Variants in RNF5 observed in about 807,000 individuals in gnomAD.
RNF5 encodes the protein ring finger protein 5, also known as E3 ubiquitin-protein ligase RNF5.
Under a neutral mutation model 24.4 loss-of-function variants are expected in RNF5, and 16 were observed. The observed-to-expected ratio is 0.66, with a 90% CI of 0.44 to 1.00. RNF5 has a LOEUF of 1.00. Ranked by LOEUF, RNF5 falls within the 50% of genes least tolerant of loss-of-function variation. RNF5 has a pLI of 0.00. For synonymous variants in RNF5, 64 were observed against 88.5 expected, an observed-to-expected ratio of 0.72 and a Z score of 1.55; for missense variants, 185 against 236.7, an observed-to-expected ratio of 0.78 and a Z score of 1.43.
rs41315238 is a variant in RNF5 at position 32,179,267 on chromosome 6, AAG to A, written c.141-269_141-268del. Among the ~76,000 whole-genome samples the A allele has an allele frequency of 0.036, 5,495 of 152,152 alleles. 205 individuals carry two copies. Among genetic ancestry groups the A allele is most frequent in the East Asian group, 0.21 (1,066 of 5,160 alleles). The stretch of plus-strand genomic sequence containing the variant: ...TTAGAAATTAACTTGAAAGGCAGAA[AAG>A]AGAGGGCACGAAAATTTGTATGTGT... On this transcript the variant is annotated intron_variant, in intron 1 of 5. Coordinates refer to ENST00000375094, the MANE Select transcript of RNF5 (RefSeq NM_006913.4). The surrounding 1 kb of genome is among the most constrained non-coding windows in gnomAD (Gnocchi z 5.4).
At position 32,180,127 on chromosome 6, in the gene RNF5, G is replaced by GT. The variant is rs1483111639; in HGVS notation, c.445+2dup. The GT allele has an allele frequency of 1.2e-6, 2 of 1,613,572 alleles. No homozygotes were observed. The highest frequency in any genetic ancestry group is 1.3e-5 in the African/African-American group (1 of 74,880). Reference sequence around the variant, plus strand: ...CATGAGCCTTTCCGCCGGGGTACAGGTAAGAGTCACACTCAGCTCCCATCA... The same window carrying GT: ...CATGAGCCTTTCCGCCGGGGTACAGGTTAAGAGTCACACTCAGCTCCCATCA... On this transcript the variant is annotated splice_donor_variant, in intron 5 of 5. Transcript: ENST00000375094. LOFTEE classifies it high-confidence loss of function.
Position 32,178,429 on chromosome 6 carries a change from A to C in RNF5, c.-83A>C. The stretch of plus-strand genomic sequence containing the variant: ...TGAAGCCTGCCCAACGATCGTGGGC[A>C]GGAGGTGGTTTCTGGTTTGTTGGGG... On this transcript the variant is annotated 5_prime_UTR_variant, in exon 1 of 6. Transcript: ENST00000375094. 1 of 1,147,650 alleles carries C rather than the reference A, an allele frequency of 8.7e-7. No individual in the cohort carries two copies. The highest frequency in any genetic ancestry group is 1.2e-6 in the Non-Finnish European group (1 of 825,592). The allele number at this position is 1,147,650 out of a possible 1,614,324, so 71.1% of individuals were successfully genotyped here.
Position 32,179,701 on chromosome 6 carries a change from G to T in RNF5, c.210G>T (p.Gly70=), listed in dbSNP as rs57409105. ...ERQECPVCKA[G]ISREKVVPLY... The stretch of plus-strand genomic sequence containing the variant: ...AAGAGTGTCCAGTATGTAAAGCTGG[G>T]ATCAGCAGAGAGAAGGTTGTCCCGC... The change falls in exon 3 of 6, where the codon GGG becomes GGT. Residue 70 remains glycine (G), a synonymous_variant. Coordinates refer to ENST00000375094, the MANE Select transcript of RNF5 (RefSeq NM_006913.4). The surrounding 1 kb of genome is among the most constrained non-coding windows in gnomAD (Gnocchi z 5.4). 19,706 of 1,613,998 alleles carry T rather than the reference G, an allele frequency of 0.012. 509 individuals carry two copies. Among genetic ancestry groups the T allele is most frequent in the African/African-American group, 0.11 (8,379 of 74,920 alleles).
chr6:32,179,935 A>C lies in RNF5; in HGVS notation c.327+4A>C. 6.2e-7 allele frequency: 1 copy of C among 1,614,168 alleles called. No individual in the cohort carries two copies. The highest frequency in any genetic ancestry group is 8.5e-7 in the Non-Finnish European group (1 of 1,180,008). ...ACCAGCTCCGGAGAGCAGAGGGGTGAGTCTTCTTGTCCAGTTGTGTCCCTT... is the reference window on the plus strand; with the variant it reads ...ACCAGCTCCGGAGAGCAGAGGGGTGCGTCTTCTTGTCCAGTTGTGTCCCTT... On this transcript the variant is annotated splice_donor_region_variant and intron_variant, in intron 4 of 5. Coordinates refer to ENST00000375094, the MANE Select transcript of RNF5 (RefSeq NM_006913.4). The surrounding 1 kb of genome is among the most constrained non-coding windows in gnomAD (Gnocchi z 5.4).
Position 32,178,555 on chromosome 6 carries a change from A to G in RNF5, c.44A>G (p.Asn15Ser), listed in dbSNP as rs1408357313. 2 of 1,610,042 alleles carry G rather than the reference A, an allele frequency of 1.2e-6. No individual in the cohort carries two copies. The highest frequency in any genetic ancestry group is 1.7e-6 in the Non-Finnish European group (2 of 1,179,042). ...GAGGACGGGGGCCCCGAAGGGCCAA[A>G]TCGCGAGCGGGGCGGGGCGGGCGCG... ...EEEDGGPEGP[N>S]RERGGAGATF... The change falls in exon 1 of 6, where the codon AAT becomes AGT. Residue 15 changes from asparagine (N) to serine (S), a missense_variant. Asn to Ser is a conservative substitution (Grantham distance 46). Coordinates refer to ENST00000375094, the MANE Select transcript of RNF5 (RefSeq NM_006913.4).
At chr6:32,180,183 C>A (rs1785975415) in intron 5 of RNF5, 46 bp from the exon 6 acceptor site, 1 of 1,610,712 alleles carries the variant, frequency 6.2e-7, no homozygotes, top group African/African-American at 1.3e-5. Context: ...CAGGCCCCCT[C>A]CCAGCCTAGG....
rs201670163 is a variant in RNF5 at position 32,180,089 on chromosome 6, C to A, written c.408C>A (p.Thr136=). The A allele has an allele frequency of 2.6e-4, 415 of 1,614,128 alleles. 9 individuals carry two copies. In the South Asian group the frequency reaches 3.7e-3, roughly 14 times the overall value. ...CTTTTCCCTTTGGCTTTTTCACCAC[C>A]GTCTTCAATGCCCATGAGCCTTTCC... The part of the protein sequence containing the change: ...VGAFPFGFFT[T]VFNAHEPFRR... Residue 136 remains threonine (T), a synonymous_variant, in exon 5 of 6, where the codon ACC becomes ACA. Transcript: ENST00000375094.
Position 32,178,540 on chromosome 6 carries a change from G to T in RNF5, c.29G>T (p.Gly10Val), listed in dbSNP as rs1785792543. 1.9e-6 allele frequency: 3 copies of T among 1,608,018 alleles called. No individual in the cohort carries two copies. The highest frequency in any genetic ancestry group is 2.5e-6 in the Non-Finnish European group (3 of 1,177,904). Residue 10 changes from glycine (G) to valine (V), a missense_variant, in exon 1 of 6, where the codon GGC becomes GTC. Coordinates refer to ENST00000375094, the MANE Select transcript of RNF5 (RefSeq NM_006913.4). ...GCAGCAGCGGAGGAGGAGGACGGGG[G>T]CCCCGAAGGGCCAAATCGCGAGCGG... MAAAEEEDG[G>V]PEGPNRERGG...
At chr6:32,180,157 G>A (rs769088778) in intron 5 of RNF5, 31 bp downstream of exon 5, 2 of 1,611,932 alleles carry the variant, frequency 1.2e-6, no homozygotes, top group Admixed American at 3.3e-5. Flanking sequence ...CCATCAGGGA[G>A]CCCTGTGAAT....
chr6:32,180,071 C>T lies in RNF5; in HGVS notation c.390C>T (p.Pro130=), dbSNP rs1250626793. 4 of 1,614,140 alleles carry T rather than the reference C, an allele frequency of 2.5e-6. No individual in the cohort carries two copies. The highest frequency in any genetic ancestry group is 3.4e-6 in the Non-Finnish European group (4 of 1,180,022). Reference sequence around the variant, plus strand: ...TCTCATTTGGTGTTGGTGCTTTTCCCTTTGGCTTTTTCACCACCGTCTTCA... The same window carrying T: ...TCTCATTTGGTGTTGGTGCTTTTCCTTTTGGCTTTTTCACCACCGTCTTCA... ...FHFSFGVGAF[P]FGFFTTVFNA... Residue 130 remains proline, a synonymous_variant, in exon 5 of 6, where the codon CCC becomes CCT. Transcript: ENST00000375094.
At chr6:32,178,771 C>G (rs139977264) in intron 1 of RNF5, 120 bp downstream of exon 1, 11,702 of 963,208 alleles carry the variant, frequency 0.012, 202 homozygotes, top group Admixed American at 0.037. Context: ...AGGTGAAGCC[C>G]GACAGGAGAC....
rs1337891196 is a variant in RNF5, at chr6:32,180,594, C to T, written c.*268C>T. 2.0e-6 allele frequency: 1 copy of T among 500,144 alleles called. No homozygotes were observed. The highest frequency in any genetic ancestry group is 3.2e-5 in the East Asian group (1 of 31,076). The allele number at this position is 500,144 out of a possible 1,614,324, so 31.0% of individuals were successfully genotyped here. ...ATTGAGAGAATGTCTTTCTCCTCTC[C>T]TAAGTCTTTGCTTTCCCTGATTTCT... On this transcript the variant is annotated 3_prime_UTR_variant, in exon 6 of 6. Transcript: ENST00000375094.
chr6:32,180,097 A>G lies in RNF5; in HGVS notation c.416A>G (p.Asn139Ser). 6.2e-7 allele frequency: 1 copy of G among 1,614,084 alleles called. No individual in the cohort carries two copies. The highest frequency in any genetic ancestry group is 8.5e-7 in the Non-Finnish European group (1 of 1,180,024). The change falls in exon 5 of 6, where the codon AAT becomes AGT. Residue 139 changes from asparagine to serine, a missense_variant. Coordinates refer to ENST00000375094, the MANE Select transcript of RNF5 (RefSeq NM_006913.4). ...TTTGGCTTTTTCACCACCGTCTTCA[A>G]TGCCCATGAGCCTTTCCGCCGGGGT... The part of the protein sequence containing the change: ...FPFGFFTTVF[N>S]AHEPFRRGTG...
At position 32,179,345 on chromosome 6, in the gene RNF5, A is replaced by G. The variant is rs1785872434; in HGVS notation, c.141-196A>G. 6.6e-6 allele frequency among the ~76,000 whole-genome samples: 1 copy of G among 151,996 alleles called. No homozygotes were observed. The highest frequency in any genetic ancestry group is 1.5e-5 in the Non-Finnish European group (1 of 68,000). On this transcript the variant is annotated intron_variant, in intron 1 of 5. Coordinates refer to ENST00000375094, the MANE Select transcript of RNF5 (RefSeq NM_006913.4). This position sits in a 1 kb window ranked among gnomAD's most constrained non-coding sequence, Gnocchi z 5.4. ...GGTTGAGTGTGTTGAGGATGGACAG[A>G]GCTTTAGGTGTTGGAAGATCAGACA...
intron 1 of RNF5, among the ~76,000 whole-genome samples, chr6:32,178,969 G>A (rs1785839857): frequency 6.6e-6 from 1 of 152,128 alleles, no homozygotes; most frequent in African/African-American, 2.4e-5. Flanking sequence ...TGTGCAGGTG[G>A]AAACAAGTGA....
rs990610069 is a variant in RNF5, at chr6:32,180,682, GATTTA to G, written c.*366_*370del. The stretch of plus-strand genomic sequence containing the variant: ...CTCTTCCCCCACTCCCCATCTTACT[GATTTA>G]ATTTAATTTTTCACTCCCCAGAGTC... On this transcript the variant is annotated 3_prime_UTR_variant, in exon 6 of 6. Transcript: ENST00000375094. 2.0e-4 allele frequency: 74 copies of G among 367,218 alleles called. No individual in the cohort carries two copies. The highest frequency in any genetic ancestry group is 1.1e-3 in the African/African-American group (51 of 48,308). 22.7% of individuals were successfully genotyped at this position (367,218 alleles called of 1,614,324 possible). A position where few individuals can be genotyped will look rare whatever the true frequency, so the allele number is the denominator to read the frequency against.
At position 32,179,400 on chromosome 6, in the gene RNF5, T is replaced by C. The variant is rs1785880245; in HGVS notation, c.141-141T>C. 1.0e-6 allele frequency: 1 copy of C among 970,646 alleles called. No individual in the cohort carries two copies. Among genetic ancestry groups the C allele is most frequent in the Admixed American group, 1.9e-5 (1 of 52,924 alleles). The allele number at this position is 970,646 out of a possible 1,614,324, so 60.1% of individuals were successfully genotyped here. ...GGAAGGCTAACTAAGTTGGCTGGCA[T>C]GGTAGAGGTTGCAGAAAATCTGAAA... On this transcript the variant is annotated intron_variant, in intron 1 of 5. Transcript: ENST00000375094. This position sits in a 1 kb window ranked among gnomAD's most constrained non-coding sequence, Gnocchi z 5.4.
rs375416151 is a variant in RNF5 at position 32,179,528 on chromosome 6, C to G, written c.141-13C>G. The stretch of plus-strand genomic sequence containing the variant: ...GCTAGTTTGACCTTTTTTTTTTTTT[C>G]TCCCCCATCCAGTTGGCCATGTCTT... On this transcript the variant is annotated splice_polypyrimidine_tract_variant and intron_variant, in intron 1 of 5. Transcript: ENST00000375094. The surrounding 1 kb of genome is among the most constrained non-coding windows in gnomAD (Gnocchi z 5.4). 2.4e-5 allele frequency: 38 copies of G among 1,565,414 alleles called. No homozygotes were observed. The Middle Eastern group carries it at 1.3e-3, about 52-fold the overall frequency.
At position 32,179,051 on chromosome 6, in the gene RNF5, G is replaced by A. The variant is rs1251999377; in HGVS notation, c.140+400G>A. Among the ~76,000 whole-genome samples, 1 of 152,124 alleles carries A rather than the reference G, an allele frequency of 6.6e-6. No individual in the cohort carries two copies. The highest frequency in any genetic ancestry group is 1.5e-5 in the Non-Finnish European group (1 of 68,024). ...CAGGAAATATGGATCACATTCAGAT[G>A]AGATCTGGGAGGGGGCTGGTATAAG... On this transcript the variant is annotated intron_variant, in intron 1 of 5. Coordinates refer to ENST00000375094, the MANE Select transcript of RNF5 (RefSeq NM_006913.4). The surrounding 1 kb of genome is among the most constrained non-coding windows in gnomAD (Gnocchi z 5.4).
Sources: gnomAD v4.1 joint callset for allele counts (sites outside exome capture counted in the v4.1 genomes callset) on GRCh38, gnomAD v4.1.1 for gene constraint, Gnocchi (gnomAD v3.1) non-coding constraint, MANE v1.5 for transcripts, NCBI Gene and HGNC (gene_info 2026-07-23, HGNC 2026-07-21) for gene names.